NRXN3: variants seen among roughly 807,000 people sequenced by gnomAD.
NRXN3 encodes neurexin III.
In NRXN3, 32 loss-of-function variants were observed where a neutral mutation model predicts 137.6. That is an observed-to-expected ratio of 0.23 (90% CI 0.18 to 0.31). The LOEUF is 0.31. Ranked by LOEUF, NRXN3 falls within the 10% of genes least tolerant of loss-of-function variation. NRXN3 has a pLI of 1.00. For synonymous variants in NRXN3, 798 were observed against 784.5 expected, an observed-to-expected ratio of 1.02 and a Z score of -0.29; for missense variants, 1,574 against 2,062.5, an observed-to-expected ratio of 0.76 and a Z score of 4.59.
chr14:78,866,236 G>GA (rs1156955953), intron 10 of NRXN3, among the ~76,000 whole-genome samples: 2 of 151,946 alleles, frequency 1.3e-5, no homozygotes, highest in African/African-American at 2.4e-5. Context: ...GGAAAGAAAA[G>GA]AAAAAAATGA....
chr14:78,268,989 G>A (rs938617900), intron 2 of NRXN3, among the ~76,000 whole-genome samples: 6 of 152,130 alleles, frequency 3.9e-5, no homozygotes, highest in Non-Finnish European at 7.4e-5. Context: ...ATTGCCCCTC[G>A]TTAGTATTTC....
At chr14:78,693,612 G>T (rs2152778369) in intron 6 of NRXN3, among the ~76,000 whole-genome samples, 1 of 144,320 alleles carries the variant, frequency 6.9e-6, no homozygotes. Context: ...TTGTACTTTT[G>T]GTCTTATGTA....
chr14:78,731,476 G>A (rs927062456), intron 8 of NRXN3, among the ~76,000 whole-genome samples: 6 of 151,810 alleles, frequency 4.0e-5, no homozygotes, highest in Admixed American at 2.0e-4. Flanking sequence ...AAAACCTGTG[G>A]TGGTTCTACA....
At chr14:79,468,537 T>C (rs1483936374) in intron 16 of NRXN3, among the ~76,000 whole-genome samples, 2 of 152,210 alleles carry the variant, frequency 1.3e-5, no homozygotes, top group African/African-American at 2.4e-5. Context: ...AAAAGGAACA[T>C]TGATTAGGAA....
intron 15 of NRXN3, among the ~76,000 whole-genome samples, chr14:79,133,117 C>A (rs559838851): frequency 2.8e-4 from 42 of 152,334 alleles, no homozygotes; most frequent in African/African-American, 9.9e-4. Context: ...GTGAGCTGGG[C>A]AGCACATTAC....
chr14:78,729,426 C>T (rs2098503681), intron 8 of NRXN3, among the ~76,000 whole-genome samples: 1 of 152,148 alleles, frequency 6.6e-6, no homozygotes, highest in Non-Finnish European at 1.5e-5. Context: ...TGCTTTAGGA[C>T]TTTCCAAGGG....
intron 10 of NRXN3, among the ~76,000 whole-genome samples, chr14:78,917,573 G>A (rs1265169113): frequency 6.6e-6 from 1 of 152,218 alleles, no homozygotes; most frequent in African/African-American, 2.4e-5. Flanking sequence ...GGCATCTATA[G>A]CCATTTAAAC....
At chr14:78,925,536 G>C (rs1419019073) in intron 10 of NRXN3, among the ~76,000 whole-genome samples, 1 of 152,224 alleles carries the variant, frequency 6.6e-6, no homozygotes, top group East Asian at 1.9e-4. Context: ...CTTCTATTCT[G>C]GATTGGTGTT....
At chr14:79,477,457 A>C (rs910310069) in intron 16 of NRXN3, among the ~76,000 whole-genome samples, 2 of 152,158 alleles carry the variant, frequency 1.3e-5, no homozygotes, top group Admixed American at 6.6e-5. Context: ...GAATATTTAT[A>C]ACCTATGGAA....
intron 15 of NRXN3, among the ~76,000 whole-genome samples, chr14:79,145,637 C>G (rs1163621918): frequency 6.6e-6 from 1 of 152,168 alleles, no homozygotes; most frequent in African/African-American, 2.4e-5. Flanking sequence ...GAATCTTTAC[C>G]TTTGCAATTG....
chr14:78,717,016 T>C (rs1277715299), intron 8 of NRXN3, among the ~76,000 whole-genome samples: 8 of 152,166 alleles, frequency 5.3e-5, no homozygotes, highest in East Asian at 1.9e-4. Flanking sequence ...TTGGGGAAGA[T>C]AGAAAGGTCA....
chr14:78,283,254 T>C (rs2153507007), intron 3 of NRXN3: 1 of 152,340 alleles, frequency 6.6e-6, no homozygotes, highest in Non-Finnish European at 1.5e-5. Flanking sequence ...TTCATGTAGA[T>C]GTAAGGCAAG....
chr14:78,496,704 G>A (rs1228530785), intron 4 of NRXN3, among the ~76,000 whole-genome samples: 1 of 152,046 alleles, frequency 6.6e-6, no homozygotes, highest in African/African-American at 2.4e-5. Context: ...AAGCTGAGCA[G>A]GGTAAGAGGA....
At chr14:79,708,498 G>A (rs199788786) in intron 19 of NRXN3, among the ~76,000 whole-genome samples, 1 of 146,180 alleles carries the variant, frequency 6.8e-6, no homozygotes, top group Non-Finnish European at 1.5e-5. Context: ...GGTAAGAATT[G>A]TTTTTTTTTT....
chr14:79,070,671 C>T (rs1020536963), intron 15 of NRXN3, among the ~76,000 whole-genome samples: 1 of 152,082 alleles, frequency 6.6e-6, no homozygotes, highest in African/African-American at 2.4e-5. Context: ...ATTTGAATAT[C>T]CCTCCCACTT....
intron 15 of NRXN3, among the ~76,000 whole-genome samples, chr14:79,108,416 G>A (rs185012809): frequency 2.3e-3 from 353 of 152,240 alleles, no homozygotes; most frequent in Non-Finnish European, 2.8e-3. Flanking sequence ...GTTTGTGCTA[G>A]CCTTGGACTT....
At chr14:78,826,384 C>G (rs1473747579) in intron 10 of NRXN3, among the ~76,000 whole-genome samples, 1 of 152,164 alleles carries the variant, frequency 6.6e-6, no homozygotes, top group African/African-American at 2.4e-5. Context: ...GAGGAAGAAT[C>G]TGCCTGGGTA....
chr14:79,779,191 G>A (rs564033068), intron 19 of NRXN3, among the ~76,000 whole-genome samples: 51 of 152,296 alleles, frequency 3.3e-4, no homozygotes, highest in African/African-American at 1.1e-3. Context: ...TTGGCTCACC[G>A]CAACCTCTAC....
intron 8 of NRXN3, among the ~76,000 whole-genome samples, chr14:78,739,949 G>C (rs1296445759): frequency 1.3e-5 from 2 of 152,170 alleles, no homozygotes; most frequent in African/African-American, 4.8e-5. Context: ...AGCAGAAGGG[G>C]AAGCAATGTA....
Sources: gnomAD v4.1 joint callset for allele counts (sites outside exome capture counted in the v4.1 genomes callset) on GRCh38, gnomAD v4.1.1 for gene constraint, MANE v1.5 for transcripts, NCBI Gene and HGNC (gene_info 2026-07-23, HGNC 2026-07-21) for gene names.